ZNG1B: variants seen among roughly 807,000 people sequenced by gnomAD.
ZNG1B encodes zinc-regulated GTPase metalloprotein activator 1B.
chr2:113,438,292 CT>C, the ZNG1B span, among the ~76,000 whole-genome samples: 1 of 152,198 alleles, frequency 6.6e-6, no homozygotes, highest in Admixed American at 6.5e-5. Flanking sequence ...ACACGCCCCC[CT>C]GATTGTCTCT....
At chr2:113,442,070 A>C in the ZNG1B span, among the ~76,000 whole-genome samples, 6 of 152,204 alleles carry the variant, frequency 3.9e-5, no homozygotes, top group Non-Finnish European at 4.4e-5. Context: ...TTAGGAAGGC[A>C]CTTTTGTATG....
At chr2:113,475,668 C>G in the ZNG1B span, among the ~76,000 whole-genome samples, 1 of 151,992 alleles carries the variant, frequency 6.6e-6, no homozygotes, top group Non-Finnish European at 1.5e-5. Flanking sequence ...TTCAGGAGCT[C>G]TTTTAGGGCA....
chr2:113,473,936 G>A, the ZNG1B span, among the ~76,000 whole-genome samples: 17 of 144,886 alleles, frequency 1.2e-4, no homozygotes, highest in African/African-American at 4.2e-4. Flanking sequence ...AAGGATATTG[G>A]TCTAAAATTC....
chr2:113,490,512 C>CA, the ZNG1B span, among the ~76,000 whole-genome samples: 42 of 151,348 alleles, frequency 2.8e-4, no homozygotes, highest in Admixed American at 4.6e-4. Flanking sequence ...AACAAAACAA[C>CA]AAAAAAAATC....
chr2:113,468,519 TAGG>T, the ZNG1B span: 3 of 143,794 alleles, frequency 2.1e-5, no homozygotes, highest in African/African-American at 8.3e-5. Flanking sequence ...TTCAAGAAAT[TAGG>T]AGAAAAATGA....
chr2:113,441,450 C>T, the ZNG1B span: 5 of 1,600,416 alleles, frequency 3.1e-6, no homozygotes, highest in Non-Finnish European at 2.6e-6. Flanking sequence ...AAGTAAAGTT[C>T]AATAAATGTC....
the ZNG1B span, among the ~76,000 whole-genome samples, chr2:113,454,081 AT>A: frequency 6.6e-6 from 1 of 152,128 alleles, no homozygotes; most frequent in Non-Finnish European, 1.5e-5. Context: ...TCATTAAGAA[AT>A]TTAAGAATTA....
chr2:113,472,828 C>G, the ZNG1B span, among the ~76,000 whole-genome samples: 1 of 151,794 alleles, frequency 6.6e-6, no homozygotes, highest in East Asian at 1.9e-4. Flanking sequence ...GGGCTCTGTT[C>G]TGTTCCATGA....
the ZNG1B span, chr2:113,443,734 A>G: frequency 6.2e-7 from 1 of 1,613,670 alleles, no homozygotes; most frequent in Non-Finnish European, 8.5e-7. Context: ...TAATGGACAT[A>G]AGCTAAAGAG....
chr2:113,464,092 A>G, the ZNG1B span, among the ~76,000 whole-genome samples: 2 of 135,742 alleles, frequency 1.5e-5, no homozygotes, highest in Admixed American at 7.6e-5. Context: ...TAAATCTCTG[A>G]CACTGACAAT....
At chr2:113,463,293 C>T in the ZNG1B span, among the ~76,000 whole-genome samples, 1 of 152,046 alleles carries the variant, frequency 6.6e-6, no homozygotes, top group Admixed American at 6.5e-5. Context: ...CATTCGGTAG[C>T]TATTATTATT....
At chr2:113,475,991 A>T in the ZNG1B span, among the ~76,000 whole-genome samples, 3 of 151,928 alleles carry the variant, frequency 2.0e-5, no homozygotes, top group East Asian at 3.9e-4. Context: ...TCTCGAGGAG[A>T]ATCTTTGTGG....
chr2:113,489,753 T>A, the ZNG1B span, among the ~76,000 whole-genome samples: 1 of 149,928 alleles, frequency 6.7e-6, no homozygotes, highest in African/African-American at 2.5e-5. Flanking sequence ...GAACCAGCAG[T>A]TTAAAAAGAC....
chr2:113,449,060 CT>C, the ZNG1B span, among the ~76,000 whole-genome samples: 2 of 152,020 alleles, frequency 1.3e-5, no homozygotes, highest in Non-Finnish European at 2.9e-5. Context: ...TGGCTTCTTT[CT>C]TTAAATCTTG....
At chr2:113,462,722 C>A in the ZNG1B span, 3 of 555,504 alleles carry the variant, frequency 5.4e-6, no homozygotes, top group Non-Finnish European at 9.3e-6. Flanking sequence ...GACTGATATT[C>A]AGGGTCTTCG....
the ZNG1B span, among the ~76,000 whole-genome samples, chr2:113,452,289 C>T: frequency 6.6e-6 from 1 of 152,138 alleles, no homozygotes. Context: ...TCATTGTTGA[C>T]ACCGAGTGAT....
At chr2:113,440,417 T>G in the ZNG1B span, among the ~76,000 whole-genome samples, 5 of 152,104 alleles carry the variant, frequency 3.3e-5, no homozygotes, top group Non-Finnish European at 2.9e-5. Context: ...ACACTCATGT[T>G]CAGGGCCTCT....
the ZNG1B span, among the ~76,000 whole-genome samples, chr2:113,479,648 A>C: frequency 1.3e-5 from 2 of 152,100 alleles, no homozygotes; most frequent in African/African-American, 4.8e-5. Context: ...TTTGACTATC[A>C]GTGCTGTTTC....
At chr2:113,444,162 C>G in the ZNG1B span, 1 of 465,904 alleles carries the variant, frequency 2.1e-6, no homozygotes. Flanking sequence ...TGAATTTAAT[C>G]TGTCATTGGT....
Sources: gnomAD v4.1 joint callset for allele counts (sites outside exome capture counted in the v4.1 genomes callset) on GRCh38, gnomAD v4.1.1 for gene constraint, MANE v1.5 for transcripts, NCBI Gene and HGNC (gene_info 2026-07-23, HGNC 2026-07-21) for gene names.